Variants in SCARA5 observed in about 807,000 individuals in gnomAD.
SCARA5 encodes scavenger receptor class A, member 5 (putative).
In SCARA5, 45 loss-of-function variants were observed where a neutral mutation model predicts 46.3. That is an observed-to-expected ratio of 0.97 (90% CI 0.76 to 1.24). The LOEUF (loss-of-function observed/expected upper bound fraction) is 1.24, where lower values mean the gene tolerates loss of function less well. SCARA5 is among the 50% of genes most tolerant of loss of function. SCARA5 has a pLI of 0.00. For synonymous variants in SCARA5, 333 were observed against 306.5 expected, an observed-to-expected ratio of 1.09 and a Z score of -0.90; for missense variants, 680 against 689.0, an observed-to-expected ratio of 0.99 and a Z score of 0.15.
chr8:27,899,030 A>T lies in SCARA5; in HGVS notation c.1153+5748T>A, dbSNP rs534763839. On this transcript the variant is annotated intron_variant, in intron 7 of 8. Coordinates refer to ENST00000354914, the MANE Select transcript of SCARA5 (RefSeq NM_173833.6). Reference sequence around the variant, plus strand: ...TCCCGAGTTGTGTCCTTTATAATAAACTGATGAACCTAACTTTTCCTGAGT... The same window carrying T: ...TCCCGAGTTGTGTCCTTTATAATAATCTGATGAACCTAACTTTTCCTGAGT... 3.4e-4 allele frequency among the ~76,000 whole-genome samples: 52 copies of T among 152,278 alleles called. 1 individual carries two copies. Among genetic ancestry groups the T allele is most frequent in the Admixed American group, 1.1e-3 (17 of 15,300 alleles).
At chr8:27,898,356 G>T (rs1306292705) in intron 7 of SCARA5, among the ~76,000 whole-genome samples, 1 of 152,198 alleles carries the variant, frequency 6.6e-6, no homozygotes, top group African/African-American at 2.4e-5. Context: ...AGAATGTCTG[G>T]AAGGCCAGAT....
chr8:27,922,189 G>T lies in SCARA5; in HGVS notation c.298C>A (p.Arg100=). Residue 100 remains arginine (R), a synonymous_variant, in exon 4 of 9, where the codon CGG becomes AGG. Transcript: ENST00000354914. ...DLKALTRNVN[R]LNESFRDLQL... is the part of the protein sequence containing the mutation. The stretch of plus-strand genomic sequence containing the variant: ...AAGTCCCGGAAGCTCTCATTCAGCC[G>T]GTTCACATTGCGAGTCAGGGCCTTC... 6.2e-7 allele frequency: 1 copy of T among 1,601,274 alleles called. No individual in the cohort carries two copies. The highest frequency in any genetic ancestry group is 8.5e-7 in the Non-Finnish European group (1 of 1,174,172).
At chr8:27,908,389 G>C (rs907506540) in intron 5 of SCARA5, among the ~76,000 whole-genome samples, 1 of 152,320 alleles carries the variant, frequency 6.6e-6, no homozygotes, top group Middle Eastern at 3.4e-3. Context: ...GTCCTTGACC[G>C]AGTGAGAGCC....
intron 3 of SCARA5, 57 bp downstream of exon 3, chr8:27,966,357 G>T: frequency 3.3e-6 from 5 of 1,519,572 alleles, no homozygotes; most frequent in Non-Finnish European, 4.4e-6. Context: ...AAGAGTGGAA[G>T]CTCCAGGTCT....
intron 4 of SCARA5, among the ~76,000 whole-genome samples, chr8:27,915,296 G>T (rs539430056): frequency 6.6e-6 from 1 of 152,178 alleles, no homozygotes; most frequent in Non-Finnish European, 1.5e-5. Flanking sequence ...AAGGTGCTGG[G>T]ACTGCCCTTG....
chr8:27,893,843 G>A (rs2685377), intron 7 of SCARA5, among the ~76,000 whole-genome samples: 133,732 of 152,280 alleles, frequency 0.88, 59,670 homozygotes, highest in East Asian at 1. Context: ...TTCTTTCAGC[G>A]CAACTGAGCA....
chr8:27,961,596 C>A (rs1057331141), intron 3 of SCARA5, among the ~76,000 whole-genome samples: 1 of 152,192 alleles, frequency 6.6e-6, no homozygotes, highest in Non-Finnish European at 1.5e-5. Flanking sequence ...GAGTTCTTGG[C>A]CAAGTGCCTC....
intron 2 of SCARA5, among the ~76,000 whole-genome samples, chr8:27,976,952 GC>G (rs1325171433): frequency 6.6e-6 from 1 of 152,210 alleles, no homozygotes; most frequent in Non-Finnish European, 1.5e-5. Context: ...GGCTTAGCCA[GC>G]CCCCCTGCCT....
At chr8:27,925,392 A>T (rs1807664117) in intron 3 of SCARA5, among the ~76,000 whole-genome samples, 1 of 152,214 alleles carries the variant, frequency 6.6e-6, no homozygotes. Context: ...TGGGGAAAGG[A>T]TTTCCTATTT....
intron 3 of SCARA5, among the ~76,000 whole-genome samples, chr8:27,963,033 C>T (rs1386614637): frequency 2.6e-5 from 4 of 152,232 alleles, no homozygotes; most frequent in Non-Finnish European, 5.9e-5. Context: ...TGCTGCGATG[C>T]TGCAGCCTCA....
intron 4 of SCARA5, among the ~76,000 whole-genome samples, chr8:27,912,068 G>A (rs939408069): frequency 7.2e-5 from 11 of 152,074 alleles, no homozygotes; most frequent in Non-Finnish European, 5.9e-5. Flanking sequence ...GTGGCCCTGT[G>A]GATACCTTGA....
intron 1 of SCARA5, among the ~76,000 whole-genome samples, 171 bp downstream of exon 1, chr8:27,992,086 C>T (rs1808795474): frequency 6.6e-6 from 1 of 152,194 alleles, no homozygotes; most frequent in Admixed American, 6.5e-5. Flanking sequence ...CGGCAGATAT[C>T]TGCGGGCCCA....
intron 4 of SCARA5, among the ~76,000 whole-genome samples, chr8:27,915,006 T>C (rs2129788493): frequency 6.6e-6 from 1 of 152,242 alleles, no homozygotes; most frequent in East Asian, 1.9e-4. Flanking sequence ...GAGCAAATTA[T>C]GAGGACAGCT....
intron 3 of SCARA5, among the ~76,000 whole-genome samples, chr8:27,958,917 A>G (rs1380528999): frequency 6.6e-6 from 1 of 152,178 alleles, no homozygotes; most frequent in Non-Finnish European, 1.5e-5. Context: ...AGGGTCGTGT[A>G]TCACTATGAG....
intron 7 of SCARA5, 75 bp from the exon 8 acceptor site, chr8:27,879,841 C>T (rs1443467757): frequency 2.8e-6 from 4 of 1,437,708 alleles, no homozygotes; most frequent in Admixed American, 3.7e-5. Context: ...TCTTTGACTC[C>T]GCCTACCCCT....
At chr8:27,898,716 G>C (rs1311629127) in intron 7 of SCARA5, among the ~76,000 whole-genome samples, 1 of 152,214 alleles carries the variant, frequency 6.6e-6, no homozygotes, top group African/African-American at 2.4e-5. Context: ...ATGAGGTGCT[G>C]ATTGTCAGGG....
chr8:27,910,836 G>A (rs1807361475), intron 4 of SCARA5, among the ~76,000 whole-genome samples: 1 of 152,188 alleles, frequency 6.6e-6, no homozygotes, highest in Non-Finnish European at 1.5e-5. Context: ...CTCCCGAGTG[G>A]GGCTGCCCTC....
At chr8:27,896,603 G>A (rs189428017) in intron 7 of SCARA5, among the ~76,000 whole-genome samples, 41 of 152,136 alleles carry the variant, frequency 2.7e-4, no homozygotes, top group African/African-American at 9.4e-4. Context: ...CAATAGTGTT[G>A]AACTCAATAC....
chr8:27,897,500 G>T (rs1306898392), intron 7 of SCARA5, among the ~76,000 whole-genome samples: 1 of 152,256 alleles, frequency 6.6e-6, no homozygotes, highest in Non-Finnish European at 1.5e-5. Context: ...TTTCATAGAT[G>T]ATTCCGTGTT....
Sources: gnomAD v4.1 joint callset for allele counts (sites outside exome capture counted in the v4.1 genomes callset) on GRCh38, gnomAD v4.1.1 for gene constraint, MANE v1.5 for transcripts, NCBI Gene and HGNC (gene_info 2026-07-23, HGNC 2026-07-21) for gene names.